The following MED15 variants were observed in gnomAD, a reference collection of about 807,000 sequenced individuals.
MED15 encodes mediator complex subunit 15.
In MED15, 41 loss-of-function variants were observed where a neutral mutation model predicts 118.7. That is an observed-to-expected ratio of 0.35 (90% CI 0.27 to 0.45). The LOEUF is 0.45. MED15 is among the 20% of genes least tolerant of loss of function. The pLI, the probability that MED15 is intolerant of heterozygous loss-of-function variation, is 1.00. For synonymous variants in MED15, 436 were observed against 413.9 expected (o/e 1.05, Z -0.65); for missense variants, 740 against 1,025.5 (o/e 0.72, Z 3.80).
chr22:20,569,977 C>G (rs567234060), intron 8 of MED15, among the ~76,000 whole-genome samples: 1 of 152,314 alleles, frequency 6.6e-6, no homozygotes, highest in South Asian at 2.1e-4. Context: ...AAGCTGCTAC[C>G]TTTGCCTCTT....
At chr22:20,584,573 C>G (rs2057079569) in intron 14 of MED15, 148 bp downstream of exon 14, 6 of 996,778 alleles carry the variant, frequency 6.0e-6, no homozygotes, top group Non-Finnish European at 9.1e-6. Flanking sequence ...CTGGCCAGGT[C>G]TGCTGTGCTG....
chr22:20,537,141 T>C lies in MED15; in HGVS notation c.93T>C (p.Gly31=), dbSNP rs1012580926. ...SQIEDAMRKA[G]VAHSKSSKDM... ...GCGAGGATGCCATGAGGAAAGCTGG[T>C]GTGGCACACAGTAAATCCAGCAAGG... The change falls in exon 2 of 18, where the codon GGT becomes GGC. Residue 31 remains glycine, a synonymous_variant. Coordinates refer to ENST00000263205, the MANE Select transcript of MED15 (RefSeq NM_001003891.3). 2.5e-6 allele frequency: 4 copies of C among 1,613,806 alleles called. No individual in the cohort carries two copies. The African/African-American group carries it at 5.3e-5, about 22-fold the overall frequency.
intron 5 of MED15, among the ~76,000 whole-genome samples, chr22:20,555,698 G>T (rs1463256464): frequency 6.6e-6 from 1 of 152,232 alleles, no homozygotes; most frequent in East Asian, 1.9e-4. Flanking sequence ...GCTCTAAAGG[G>T]GAGGCAAAGA....
At chr22:20,514,305 C>CT (rs2054179398) in intron 1 of MED15, among the ~76,000 whole-genome samples, 1 of 152,168 alleles carries the variant, frequency 6.6e-6, no homozygotes, top group Admixed American at 6.5e-5. Context: ...TGTCTCTGGG[C>CT]TATAGGCTCT....
At chr22:20,584,562 C>T in intron 14 of MED15, 137 bp downstream of exon 14, 1 of 1,073,726 alleles carries the variant, frequency 9.3e-7, no homozygotes, top group Non-Finnish European at 1.4e-6. Flanking sequence ...CACGAGGCTT[C>T]CTGGCCAGGT....
chr22:20,522,302 A>C (rs2054491873), intron 1 of MED15: 1 of 152,230 alleles, frequency 6.6e-6, no homozygotes, highest in African/African-American at 2.4e-5. Context: ...CGTTCCCACC[A>C]GCAAAATGTG....
intron 1 of MED15, chr22:20,519,062 C>G (rs1048025879): frequency 1.2e-5 from 4 of 340,032 alleles, no homozygotes; most frequent in Admixed American, 4.0e-5. Context: ...CCATGTTGTC[C>G]AGGCTGGTCT....
At chr22:20,524,273 C>G (rs2146384085) in intron 1 of MED15, 1 of 152,276 alleles carries the variant, frequency 6.6e-6, no homozygotes, top group East Asian at 1.9e-4. Flanking sequence ...ATGAAAGCAC[C>G]TGGGCACTGG....
intron 5 of MED15, among the ~76,000 whole-genome samples, chr22:20,561,603 A>C (rs2056244245): frequency 6.6e-6 from 1 of 152,232 alleles, no homozygotes; most frequent in South Asian, 2.1e-4. Flanking sequence ...GAGTGGACTA[A>C]ACTTTTCTGC....
At chr22:20,539,211 G>T (rs1455023215) in intron 2 of MED15, among the ~76,000 whole-genome samples, 6 of 152,144 alleles carry the variant, frequency 3.9e-5, no homozygotes, top group Non-Finnish European at 8.8e-5. Flanking sequence ...CAAGTCTCCT[G>T]TCTCAGCCTC....
At chr22:20,551,353 A>C in intron 2 of MED15, 83 bp from the exon 3 acceptor site, 1 of 1,287,286 alleles carries the variant, frequency 7.8e-7, no homozygotes, top group Non-Finnish European at 1.1e-6. Context: ...GCTCGGTGCC[A>C]GCAGGCGAGG....
At chr22:20,543,202 C>CTT (rs67565815) in intron 2 of MED15, among the ~76,000 whole-genome samples, 5 of 54,132 alleles carry the variant, frequency 9.2e-5, no homozygotes, top group African/African-American at 5.0e-4. Context: ...TTTCATGTTG[C>CTT]TTTTTTTTTT....
intron 2 of MED15, among the ~76,000 whole-genome samples, chr22:20,547,518 T>TA (rs1056491329): frequency 6.6e-6 from 1 of 152,070 alleles, no homozygotes; most frequent in Non-Finnish European, 1.5e-5. Flanking sequence ...ACCGTGTCTC[T>TA]CCAAAAAATA....
At chr22:20,513,506 C>T (rs1470972180) in intron 1 of MED15, among the ~76,000 whole-genome samples, 2 of 151,610 alleles carry the variant, frequency 1.3e-5, no homozygotes, top group East Asian at 2.0e-4. Context: ...CTTGAACTCC[C>T]AACCTCATGA....
In MED15 at chr22:20,564,511, G is replaced by A. The variant is rs773317067; in HGVS notation, c.513G>A (p.Gln171=). ...QQQQQQQQFQ[Q]QQQAALQQQQ... is the part of the protein sequence containing the mutation. The stretch of plus-strand genomic sequence containing the variant: ...AGCAGCAACAGCAGCAGTTCCAGCA[G>A]CAGCAGCAGGCGGCGCTACAGCAGC... The change falls in exon 6 of 18, where the codon CAG becomes CAA. Residue 171 remains glutamine (Q), a synonymous_variant. Coordinates refer to ENST00000263205, the MANE Select transcript of MED15 (RefSeq NM_001003891.3). The A allele has an allele frequency of 4.4e-6, 7 of 1,607,344 alleles. 1 individual carries two copies. In the South Asian group the frequency reaches 6.6e-5, roughly 15 times the overall value.
chr22:20,546,934 T>C (rs1370176720), intron 2 of MED15, among the ~76,000 whole-genome samples: 1 of 152,190 alleles, frequency 6.6e-6, no homozygotes, highest in Non-Finnish European at 1.5e-5. Flanking sequence ...TTTGGGCCTT[T>C]CAGTGAACAG....
At chr22:20,553,287 G>C in intron 4 of MED15, 113 bp downstream of exon 4, 2 of 1,131,918 alleles carry the variant, frequency 1.8e-6, no homozygotes, top group East Asian at 4.8e-5. Context: ...AGAGGAGAAT[G>C]CTTGCGGAGA....
intron 2 of MED15, among the ~76,000 whole-genome samples, chr22:20,539,230 C>T (rs2055197410): frequency 6.6e-6 from 1 of 152,084 alleles, no homozygotes; most frequent in African/African-American, 2.4e-5. Context: ...TCCTTAGTAG[C>T]TGGGATTACA....
intron 2 of MED15, among the ~76,000 whole-genome samples, chr22:20,547,075 C>T (rs368618013): frequency 1.3e-5 from 2 of 152,116 alleles, no homozygotes; most frequent in African/African-American, 2.4e-5. Context: ...TGTGTCTTTT[C>T]TGTTACTATG....
Sources: allele counts gnomAD v4.1 joint callset (sites outside exome capture counted in the v4.1 genomes callset), GRCh38; gene constraint gnomAD v4.1.1; transcripts MANE v1.5; gene names NCBI Gene and HGNC (gene_info 2026-07-23, HGNC 2026-07-21).